Variants in SLC25A21 observed in about 807,000 individuals in gnomAD.
The protein encoded by SLC25A21 is solute carrier family 25 member 21, also known as mitochondrial 2-oxodicarboxylate carrier.
SLC25A21 carries 47 observed loss-of-function variants against 43.8 expected under a neutral mutation model. The observed-to-expected ratio is 1.07, with a 90% CI of 0.85 to 1.37. The LOEUF (loss-of-function observed/expected upper bound fraction) is 1.37. Among genes scored for constraint, SLC25A21 ranks in the 40% most tolerant of loss-of-function variants. The pLI is 0.00. For missense variants in SLC25A21, 352 were observed against 350.2 expected (o/e 1.00, Z -0.04); for synonymous variants, 131 against 121.3 (o/e 1.08, Z -0.52).
chr14:37,060,824 A>C (rs974556953), intron 1 of SLC25A21, among the ~76,000 whole-genome samples: 7 of 152,216 alleles, frequency 4.6e-5, no homozygotes, highest in Admixed American at 2.0e-4. Flanking sequence ...AGACAAGGTG[A>C]GGAGAAGCAA....
At chr14:36,834,404 C>T (rs1889138620) in intron 2 of SLC25A21, among the ~76,000 whole-genome samples, 1 of 152,216 alleles carries the variant, frequency 6.6e-6, no homozygotes, top group African/African-American at 2.4e-5. Context: ...CTACCTACTG[C>T]ATGAACTTGG....
intron 3 of SLC25A21, among the ~76,000 whole-genome samples, chr14:36,788,409 T>C (rs929459169): frequency 4.0e-5 from 6 of 151,604 alleles, no homozygotes; most frequent in African/African-American, 1.5e-4. Context: ...CCGCTGCCAC[T>C]GCCAACAATT....
At chr14:36,895,630 T>C (rs1054135521) in intron 1 of SLC25A21, among the ~76,000 whole-genome samples, 1 of 152,322 alleles carries the variant, frequency 6.6e-6, no homozygotes, top group East Asian at 1.9e-4. Flanking sequence ...AATTGTGATG[T>C]TAGGGTGTCA....
At chr14:36,940,925 T>C (rs755127309) in intron 1 of SLC25A21, among the ~76,000 whole-genome samples, 1 of 152,150 alleles carries the variant, frequency 6.6e-6, no homozygotes, top group Non-Finnish European at 1.5e-5. Flanking sequence ...ATCTTGCTTC[T>C]GAGACTGAAC....
intron 3 of SLC25A21, among the ~76,000 whole-genome samples, chr14:36,755,749 C>T (rs1885903906): frequency 1.3e-5 from 2 of 152,094 alleles, no homozygotes; most frequent in African/African-American, 4.8e-5. Context: ...CATTACTTGC[C>T]TTTTGTACTT....
rs11524087 is a variant in SLC25A21, at chr14:36,894,969, G to A, written c.71-19965C>T. 3.4e-3 allele frequency among the ~76,000 whole-genome samples: 522 copies of A among 152,186 alleles called. 3 individuals are homozygous for A. The highest frequency in any genetic ancestry group is 5.7e-3 in the Non-Finnish European group (388 of 68,006). On this transcript the variant is annotated intron_variant, in intron 1 of 9. Coordinates refer to ENST00000331299, the MANE Select transcript of SLC25A21 (RefSeq NM_030631.4). ...GTATTTTATTGAGGATTTTTGCATC[G>A]ATGTTCATCAGGGACATTGGTCTAA...
intron 1 of SLC25A21, among the ~76,000 whole-genome samples, chr14:37,064,648 T>C (rs1962022396): frequency 6.6e-6 from 1 of 152,158 alleles, no homozygotes; most frequent in African/African-American, 2.4e-5. Flanking sequence ...CTCACAGTTA[T>C]TCTATCATTT....
In SLC25A21 at chr14:36,836,067, C is replaced by T. The variant is rs146414946; in HGVS notation, c.120-22066G>A. On this transcript the variant is annotated intron_variant, in intron 2 of 9. Coordinates refer to ENST00000331299, the MANE Select transcript of SLC25A21 (RefSeq NM_030631.4). ...TTCCATTTGGCAATCTCCCTCCTGA[C>T]TCCACCGTACAGTGTGGGGCAAAGA... Among the ~76,000 whole-genome samples, 1,328 of 152,344 alleles carry T rather than the reference C, an allele frequency of 8.7e-3. 22 individuals carry two copies. The highest frequency in any genetic ancestry group is 0.03 in the African/African-American group (1,264 of 41,584).
rs188359527 is a variant in SLC25A21 at position 36,734,511 on chromosome 14, A to G, written c.266T>C (p.Val89Ala). Residue 89 changes from valine (V) to alanine (A), a missense_variant, in exon 4 of 10, where the codon GTG (valine) becomes GCG (alanine). Val to Ala is a moderately conservative substitution (Grantham distance 64, BLOSUM62 0). Transcript: ENST00000331299. ...GCGAACGCATGCAATGCTTACCTTC[A>G]CTGCTCTTTTTGGGGTTTCAGCCAA... ...PILAETPKRA[V>A]KFFTFEQYKK... 8 of 1,606,724 alleles carry G rather than the reference A, an allele frequency of 5.0e-6. No homozygotes were observed. The highest frequency in any genetic ancestry group is 6.8e-6 in the Non-Finnish European group (8 of 1,176,020).
intron 1 of SLC25A21, among the ~76,000 whole-genome samples, chr14:36,888,876 G>T (rs1455718406): frequency 6.6e-6 from 1 of 152,126 alleles, no homozygotes; most frequent in Admixed American, 6.6e-5. Flanking sequence ...ACTCTAACTA[G>T]CATTACTTCT....
intron 1 of SLC25A21, among the ~76,000 whole-genome samples, chr14:37,096,127 T>C (rs1962688776): frequency 6.6e-6 from 1 of 152,072 alleles, no homozygotes; most frequent in Non-Finnish European, 1.5e-5. Context: ...ACCAACTAAA[T>C]GCTATACATG....
At chr14:37,095,443 G>A (rs1962670200) in intron 1 of SLC25A21, among the ~76,000 whole-genome samples, 1 of 152,130 alleles carries the variant, frequency 6.6e-6, no homozygotes, top group African/African-American at 2.4e-5. Flanking sequence ...ACTTGAACCT[G>A]GGAAGCGGAG....
At chr14:37,031,957 G>T (rs1266109468) in intron 1 of SLC25A21, among the ~76,000 whole-genome samples, 5 of 152,122 alleles carry the variant, frequency 3.3e-5, no homozygotes, top group African/African-American at 1.2e-4. Context: ...GCTCCTTAAA[G>T]AATTCCCAGT....
chr14:36,896,482 G>C (rs2138590696), intron 1 of SLC25A21, among the ~76,000 whole-genome samples: 2 of 152,266 alleles, frequency 1.3e-5, no homozygotes, highest in East Asian at 3.9e-4. Context: ...GATGGGTCTT[G>C]ACTCTTTATC....
chr14:37,154,366 G>A (rs1963809862), intron 1 of SLC25A21, among the ~76,000 whole-genome samples: 1 of 152,052 alleles, frequency 6.6e-6, no homozygotes, highest in African/African-American at 2.4e-5. Flanking sequence ...AGGTCTTCTG[G>A]AAGAAGTCCT....
intron 1 of SLC25A21, among the ~76,000 whole-genome samples, chr14:37,129,205 C>T (rs959638496): frequency 3.3e-5 from 5 of 152,182 alleles, no homozygotes; most frequent in African/African-American, 1.2e-4. Context: ...CCAACACTGA[C>T]TCATAACACT....
At chr14:37,054,880 A>T (rs1245314121) in intron 1 of SLC25A21, among the ~76,000 whole-genome samples, 1 of 152,242 alleles carries the variant, frequency 6.6e-6, no homozygotes, top group African/African-American at 2.4e-5. Context: ...AACTCTGCAA[A>T]CATGAAAAGG....
chr14:36,823,599 A>G (rs1317218664), intron 2 of SLC25A21, among the ~76,000 whole-genome samples: 2 of 152,190 alleles, frequency 1.3e-5, no homozygotes, highest in Admixed American at 1.3e-4. Context: ...GGATGAATCA[A>G]AGACTGGAAA....
chr14:37,068,696 T>G (rs1962110273), intron 1 of SLC25A21, among the ~76,000 whole-genome samples: 1 of 152,210 alleles, frequency 6.6e-6, no homozygotes, highest in Non-Finnish European at 1.5e-5. Context: ...AGGGTAGTAC[T>G]CAATTGAAGA....
Sources: gnomAD v4.1 joint callset for allele counts (sites outside exome capture counted in the v4.1 genomes callset) on GRCh38, gnomAD v4.1.1 for gene constraint, MANE v1.5 for transcripts, NCBI Gene and HGNC (gene_info 2026-07-23, HGNC 2026-07-21) for gene names.